The following CYP4X1 variants were observed in gnomAD, a reference collection of about 807,000 sequenced individuals.
The protein encoded by CYP4X1 is cytochrome P450 family 4 subfamily X member 1.
A neutral mutation model predicts 57.9 loss-of-function variants in CYP4X1; 44 were observed. The ratio of observed to expected loss-of-function variants is 0.76; its 90% confidence interval spans 0.60 to 0.98. The LOEUF (loss-of-function observed/expected upper bound fraction) is 0.98, where lower values mean the gene tolerates loss of function less well. CYP4X1 is among the 50% of genes least tolerant of loss of function. CYP4X1 has a pLI of 0.00. For missense variants in CYP4X1, 532 were observed against 623.9 expected (o/e 0.85, Z 1.57); for synonymous variants, 227 against 228.6 (o/e 0.99, Z 0.06).
the CYP4X1 span, among the ~76,000 whole-genome samples, chr1:46,971,744 C>T: frequency 6.6e-6 from 1 of 151,996 alleles, no homozygotes. Context: ...CTGTTCAAAT[C>T]CTTTGCTGAT....
chr1:47,010,148 T>C, the CYP4X1 span, among the ~76,000 whole-genome samples: 2,694 of 152,168 alleles, frequency 0.018, 57 homozygotes, highest in East Asian at 0.047. Context: ...TGAACATCGA[T>C]GCAAAAATCC....
At chr1:47,018,427 C>T in the CYP4X1 span, among the ~76,000 whole-genome samples, 1 of 152,188 alleles carries the variant, frequency 6.6e-6, no homozygotes, top group Admixed American at 6.5e-5. Context: ...ACCTGACCTG[C>T]CACAATCTCC....
the CYP4X1 span, among the ~76,000 whole-genome samples, chr1:46,985,336 T>A: frequency 6.6e-6 from 1 of 151,958 alleles, no homozygotes; most frequent in East Asian, 1.9e-4. Context: ...TCAAAAAAAA[T>A]AAATAGATAA....
chr1:47,006,810 A>G, the CYP4X1 span, among the ~76,000 whole-genome samples: 1 of 152,200 alleles, frequency 6.6e-6, no homozygotes. Context: ...GGAGGGTCCT[A>G]TGCTCACGGA....
chr1:46,981,732 C>G, the CYP4X1 span, among the ~76,000 whole-genome samples: 8 of 152,190 alleles, frequency 5.3e-5, no homozygotes, highest in Non-Finnish European at 1.0e-4. Flanking sequence ...GGAACCAACA[C>G]AAATGTCCAT....
chr1:47,048,532 C>G (rs1470235618), intron 9 of CYP4X1, 33 bp from the exon 10 acceptor site: 1 of 1,612,156 alleles, frequency 6.2e-7, no homozygotes, highest in Admixed American at 1.7e-5. Context: ...TGCTCTTTCT[C>G]CTGCAGTCTC....
the CYP4X1 span, among the ~76,000 whole-genome samples, chr1:46,980,490 A>C: frequency 6.6e-6 from 1 of 152,340 alleles, no homozygotes; most frequent in Middle Eastern, 3.4e-3. Flanking sequence ...ACACAAACAA[A>C]TGGAAGAGCA....
At chr1:47,038,023 G>A (rs1424932025) in intron 6 of CYP4X1, among the ~76,000 whole-genome samples, 1 of 152,082 alleles carries the variant, frequency 6.6e-6, no homozygotes, top group Non-Finnish European at 1.5e-5. Flanking sequence ...GTATTCCATT[G>A]ATCTATCTAC....
At chr1:47,022,866 TG>T (rs557064744), upstream of CYP4X1, among the ~76,000 whole-genome samples, 36 of 151,906 alleles carry the variant, frequency 2.4e-4, 1 homozygote, top group South Asian at 7.5e-3. Context: ...GACAGGGAGG[TG>T]GGGGGAGACA....
the CYP4X1 span, among the ~76,000 whole-genome samples, chr1:46,965,596 GCT>G: frequency 6.6e-6 from 1 of 152,236 alleles, no homozygotes; most frequent in Non-Finnish European, 1.5e-5. Context: ...TCCTCTGGAA[GCT>G]CTGTCCCAGC....
the CYP4X1 span, among the ~76,000 whole-genome samples, chr1:47,004,905 A>C: frequency 6.6e-6 from 1 of 152,196 alleles, no homozygotes; most frequent in African/African-American, 2.4e-5. Flanking sequence ...GACAAAAGAA[A>C]CCCACCCAGC....
rs1255468410 is a variant in CYP4X1 at position 47,048,576 on chromosome 1, G to A, written c.1219G>A (p.Val407Ile). 16 of 1,614,128 alleles carry A rather than the reference G, an allele frequency of 9.9e-6. No homozygotes were observed. The highest frequency in any genetic ancestry group is 1.7e-5 in the Admixed American group (1 of 60,016). The change falls in exon 10 of 12, where the codon GTT becomes ATT. Residue 407 changes from valine (V) to isoleucine (I), a missense_variant. Physicochemically the swap from Val to Ile is conservative, Grantham distance 29. Transcript: ENST00000371901. ...CCCTCCTTTCTTAGGGATCACCGTG[G>A]TTCTTAGTATTTGGGGTCTTCACCA... is the stretch of plus-strand genomic sequence containing the variant. ...GCTLPAGITVVLSIWGLHHNP... is the reference protein window; with the variant it reads ...GCTLPAGITVILSIWGLHHNP...
chr1:46,994,504 C>T, the CYP4X1 span: 2 of 160,384 alleles, frequency 1.2e-5, no homozygotes, highest in East Asian at 1.9e-4. Flanking sequence ...GACACTCATG[C>T]CGCAGCACCT....
At chr1:47,005,939 T>C in the CYP4X1 span, among the ~76,000 whole-genome samples, 1 of 152,236 alleles carries the variant, frequency 6.6e-6, no homozygotes, top group Non-Finnish European at 1.5e-5. Context: ...TTGGCAAAAA[T>C]ACCTATGTAT....
chr1:46,970,931 T>A, the CYP4X1 span, among the ~76,000 whole-genome samples: 3 of 152,232 alleles, frequency 2.0e-5, no homozygotes, highest in African/African-American at 4.8e-5. Context: ...ATATGTTTTT[T>A]AAAAATTCTT....
chr1:47,053,172 G>GT (rs1207997065), downstream of CYP4X1, among the ~76,000 whole-genome samples: 1 of 151,942 alleles, frequency 6.6e-6, no homozygotes, highest in Non-Finnish European at 1.5e-5. Context: ...GCGGTGTTTG[G>GT]TTTTTTGTCC....
At chr1:46,963,901 C>T in the CYP4X1 span, among the ~76,000 whole-genome samples, 1 of 152,216 alleles carries the variant, frequency 6.6e-6, no homozygotes. Context: ...TAGATTTGGT[C>T]TCTTCACATA....
chr1:46,991,641 G>T, the CYP4X1 span, among the ~76,000 whole-genome samples: 1 of 152,184 alleles, frequency 6.6e-6, no homozygotes, highest in Non-Finnish European at 1.5e-5. Flanking sequence ...ATCCACTTAA[G>T]GCAGAGGACA....
chr1:47,033,569 C>A (rs947049749), intron 4 of CYP4X1, among the ~76,000 whole-genome samples: 11 of 152,058 alleles, frequency 7.2e-5, no homozygotes, highest in Non-Finnish European at 2.9e-5. Context: ...AAGATCTGGT[C>A]CTCTGTCTTA....
Sources: gnomAD v4.1 joint callset for allele counts (sites outside exome capture counted in the v4.1 genomes callset) on GRCh38, gnomAD v4.1.1 for gene constraint, MANE v1.5 for transcripts, NCBI Gene and HGNC (gene_info 2026-07-23, HGNC 2026-07-21) for gene names.